The following PPM1L variants were observed in gnomAD, a reference collection of about 807,000 sequenced individuals.
PPM1L encodes the protein protein phosphatase 1L.
A neutral mutation model predicts 31.4 loss-of-function variants in PPM1L; 13 were observed. The ratio of observed to expected loss-of-function variants is 0.41; its 90% CI spans 0.27 to 0.66. The LOEUF is 0.66. Among genes scored for constraint, PPM1L ranks in the 30% least tolerant of loss-of-function variants. The pLI, the probability that PPM1L is intolerant of heterozygous loss-of-function variation, is 0.29. For missense variants in PPM1L, 326 were observed against 453.7 expected, an observed-to-expected ratio of 0.72 and a Z score of 2.56; for synonymous variants, 184 against 175.4, an observed-to-expected ratio of 1.05 and a Z score of -0.39.
intron 1 of PPM1L, among the ~76,000 whole-genome samples, chr3:160,803,777 A>G (rs73015481): frequency 1.6e-3 from 251 of 152,328 alleles, no homozygotes; most frequent in African/African-American, 5.8e-3. Context: ...CAGTTTTTCA[A>G]GTTAAGCTTT....
At chr3:160,993,152 T>A (rs1717190964) in intron 2 of PPM1L, among the ~76,000 whole-genome samples, 11 of 152,172 alleles carry the variant, frequency 7.2e-5, no homozygotes, top group Admixed American at 7.2e-4. Flanking sequence ...GGTTAATCAT[T>A]CAGTAATTGT....
chr3:161,069,887 C>T lies in PPM1L; in HGVS notation c.*730C>T, dbSNP rs1485438317. 1 of 152,228 alleles carries T rather than the reference C, an allele frequency of 6.6e-6. No individual in the cohort carries two copies. Among genetic ancestry groups the T allele is most frequent in the Non-Finnish European group, 1.5e-5 (1 of 68,056 alleles). 9.4% of individuals were successfully genotyped at this position (152,228 alleles called of 1,614,324 possible). On this transcript the variant is annotated 3_prime_UTR_variant, in exon 4 of 4. Coordinates refer to ENST00000498165, the MANE Select transcript of PPM1L (RefSeq NM_139245.4). ...ATCCTAATCATGCATGACCGTTAAC[C>T]TTTTGCTTAGTCCTTACCATATGTA... is the stretch of plus-strand genomic sequence containing the variant.
chr3:160,892,052 G>A lies in PPM1L; in HGVS notation c.400-69684G>A, dbSNP rs141833345. 8.5e-4 allele frequency among the ~76,000 whole-genome samples: 129 copies of A among 152,230 alleles called. 1 individual carries two copies. In the South Asian group the frequency reaches 0.016, roughly 19 times the overall value. On this transcript the variant is annotated intron_variant, in intron 1 of 3. Coordinates refer to ENST00000498165, the MANE Select transcript of PPM1L (RefSeq NM_139245.4). ...AGGAGAAATATCTAATGTTGATGAC[G>A]GGTTGATGGGTGCAGCAAACCACCA... is the stretch of plus-strand genomic sequence containing the variant.
chr3:161,072,837 T>C lies in PPM1L; in HGVS notation c.*3680T>C, dbSNP rs1719973302. 6.6e-6 allele frequency: 1 copy of C among 152,226 alleles called. No homozygotes were observed. Among genetic ancestry groups the C allele is most frequent in the African/African-American group, 2.4e-5 (1 of 41,464 alleles). 9.4% of individuals were successfully genotyped at this position (152,226 alleles called of 1,614,324 possible). A position where few individuals can be genotyped will look rare whatever the true frequency, so the allele number is the denominator to read the frequency against. Reference sequence around the variant, plus strand: ...TGAAACTATAGGAATATATACTTTGTATAAAACTTTTCCAATGATTTCAGA... The same window carrying C: ...TGAAACTATAGGAATATATACTTTGCATAAAACTTTTCCAATGATTTCAGA... On this transcript the variant is annotated 3_prime_UTR_variant, in exon 4 of 4. Transcript: ENST00000498165.
At chr3:160,947,061 A>T (rs1715431436) in intron 1 of PPM1L, among the ~76,000 whole-genome samples, 1 of 152,224 alleles carries the variant, frequency 6.6e-6, no homozygotes, top group South Asian at 2.1e-4. Context: ...AGCATGAGTA[A>T]GAAAGAGAAA....
At chr3:160,950,431 G>A (rs1287762831) in intron 1 of PPM1L, among the ~76,000 whole-genome samples, 2 of 152,104 alleles carry the variant, frequency 1.3e-5, no homozygotes, top group Non-Finnish European at 2.9e-5. Context: ...CAGCTCTCAG[G>A]ACAGAAAGAC....
chr3:161,013,204 A>G (rs1717956488), intron 2 of PPM1L, among the ~76,000 whole-genome samples: 3 of 152,206 alleles, frequency 2.0e-5, no homozygotes, highest in Admixed American at 2.0e-4. Context: ...AATATGTCCC[A>G]GAGATTCTGG....
At chr3:160,820,955 C>G (rs1043445655) in intron 1 of PPM1L, among the ~76,000 whole-genome samples, 2 of 152,046 alleles carry the variant, frequency 1.3e-5, no homozygotes, top group African/African-American at 4.8e-5. Flanking sequence ...TTAAACCTTA[C>G]TAGCTATTAC....
intron 1 of PPM1L, among the ~76,000 whole-genome samples, chr3:160,814,809 A>G (rs1181769472): frequency 6.6e-6 from 1 of 151,836 alleles, no homozygotes; most frequent in Non-Finnish European, 1.5e-5. Flanking sequence ...ATACCATGGA[A>G]TACTACTCAG....
At chr3:161,017,179 C>A (rs1198024644) in intron 2 of PPM1L, among the ~76,000 whole-genome samples, 1 of 151,890 alleles carries the variant, frequency 6.6e-6, no homozygotes, top group African/African-American at 2.4e-5. Flanking sequence ...GGGTGTGTCT[C>A]CAGTTATCTT....
At chr3:161,039,818 A>G (rs1426325688) in intron 2 of PPM1L, among the ~76,000 whole-genome samples, 2 of 152,090 alleles carry the variant, frequency 1.3e-5, no homozygotes, top group African/African-American at 4.8e-5. Context: ...GCCCGGCCAT[A>G]CCTCATATTT....
At chr3:160,971,147 A>G (rs1026971983) in intron 2 of PPM1L, among the ~76,000 whole-genome samples, 22 of 152,084 alleles carry the variant, frequency 1.4e-4, no homozygotes, top group African/African-American at 5.3e-4. Flanking sequence ...AAGTACCGAA[A>G]CATGTAATTT....
At chr3:160,913,313 A>G (rs1714037469) in intron 1 of PPM1L, among the ~76,000 whole-genome samples, 1 of 152,168 alleles carries the variant, frequency 6.6e-6, no homozygotes, top group East Asian at 1.9e-4. Flanking sequence ...TGGTGTAGAC[A>G]GTGAACCCTG....
intron 1 of PPM1L, among the ~76,000 whole-genome samples, chr3:160,794,461 G>A (rs536007581): frequency 4.6e-5 from 7 of 152,208 alleles, no homozygotes; most frequent in East Asian, 3.9e-4. Flanking sequence ...AATATTCACC[G>A]AAAAGCATTT....
intron 1 of PPM1L, among the ~76,000 whole-genome samples, chr3:160,805,983 A>G (rs1712591156): frequency 6.6e-6 from 1 of 152,170 alleles, no homozygotes; most frequent in Admixed American, 6.5e-5. Context: ...AGCAACAACA[A>G]GAACCACCCC....
chr3:160,788,121 A>C (rs888740579), intron 1 of PPM1L, among the ~76,000 whole-genome samples: 1 of 152,090 alleles, frequency 6.6e-6, no homozygotes, highest in African/African-American at 2.4e-5. Flanking sequence ...GTTCCATAGA[A>C]TTTCAAAATA....
At chr3:161,017,376 C>A (rs1389450967) in intron 2 of PPM1L, among the ~76,000 whole-genome samples, 1 of 152,158 alleles carries the variant, frequency 6.6e-6, no homozygotes, top group Non-Finnish European at 1.5e-5. Flanking sequence ...ATTATGGAGT[C>A]TGAGCATCTT....
chr3:160,852,885 A>C (rs923513976), intron 1 of PPM1L, among the ~76,000 whole-genome samples: 1 of 152,210 alleles, frequency 6.6e-6, no homozygotes, highest in African/African-American at 2.4e-5. Flanking sequence ...TTAAGATGTT[A>C]GTTTCCTGTG....
intron 2 of PPM1L, among the ~76,000 whole-genome samples, chr3:161,034,356 G>C (rs1718672991): frequency 6.6e-6 from 1 of 152,088 alleles, no homozygotes; most frequent in Non-Finnish European, 1.5e-5. Flanking sequence ...ATACTCAAAG[G>C]ATCATAAATC....
Sources: gnomAD v4.1 joint callset for allele counts (sites outside exome capture counted in the v4.1 genomes callset) on GRCh38, gnomAD v4.1.1 for gene constraint, MANE v1.5 for transcripts, NCBI Gene and HGNC (gene_info 2026-07-23, HGNC 2026-07-21) for gene names.